The following GOLGB1 variants were observed in gnomAD, a reference collection of about 807,000 sequenced individuals.
GOLGB1 encodes the protein golgin B1, also known as golgin subfamily B member 1.
Under a neutral mutation model 336.9 loss-of-function variants are expected in GOLGB1, and 174 were observed. The ratio of observed to expected loss-of-function variants is 0.52; its 90% CI spans 0.46 to 0.59. The LOEUF (loss-of-function observed/expected upper bound fraction) is 0.59. Ranked by LOEUF, GOLGB1 falls within the 20% of genes least tolerant of loss-of-function variation. The probability of loss-of-function intolerance (pLI) is 0.00; values close to 1 mark genes in which losing one functional copy is unlikely to be tolerated. For missense variants in GOLGB1, 3,331 were observed against 3,645.3 expected, an observed-to-expected ratio of 0.91 and a Z score of 2.22; for synonymous variants, 1,208 against 1,289.2, an observed-to-expected ratio of 0.94 and a Z score of 1.35.
rs529043980 is a variant in GOLGB1 at position 121,690,782 on chromosome 3, C to G, written c.8582G>C (p.Arg2861Pro). 10 of 1,596,634 alleles carry G rather than the reference C, an allele frequency of 6.3e-6. No homozygotes were observed. Among genetic ancestry groups the G allele is most frequent in the East Asian group, 2.2e-5 (1 of 44,836 alleles). Residue 2861 changes from arginine (R) to proline (P), a missense_variant, in exon 14 of 22, where the codon CGA (arginine) becomes CCA (proline). Arg to Pro is a moderately radical substitution (Grantham distance 103). Coordinates refer to ENST00000614479, the MANE Select transcript of GOLGB1 (RefSeq NM_001366282.2). Reference protein sequence around the residue: ...DHLWNELEKFRKSEEGKQRSA... With the variant: ...DHLWNELEKFPKSEEGKQRSA... ...CCTCTGCTTCCCTTCCTCTGACTTT[C>G]GAAATTTCTCCAGCTCATTCCACAG...
rs541195471 is a variant in GOLGB1 at position 121,736,468 on chromosome 3, G to A, written c.-2-5495C>T. Among the ~76,000 whole-genome samples, 9 of 152,286 alleles carry A rather than the reference G, an allele frequency of 5.9e-5. No individual in the cohort carries two copies. In the South Asian group the frequency reaches 1.9e-3, roughly 32 times the overall value. The stretch of plus-strand genomic sequence containing the variant: ...AAACCCGTAAGCCCAGTCTAATCAT[G>A]AGAAAACACTGGGAAAACCTAGATT... On this transcript the variant is annotated intron_variant, in intron 1 of 21. Coordinates refer to ENST00000614479, the MANE Select transcript of GOLGB1 (RefSeq NM_001366282.2).
At chr3:121,713,616 G>A (rs1233145876) in intron 10 of GOLGB1, among the ~76,000 whole-genome samples, 3 of 152,150 alleles carry the variant, frequency 2.0e-5, no homozygotes, top group Non-Finnish European at 4.4e-5. Flanking sequence ...TGGAGGGGAA[G>A]GGTGAGGATG....
chr3:121,705,956 C>T (rs1943781506), intron 10 of GOLGB1, among the ~76,000 whole-genome samples: 1 of 152,058 alleles, frequency 6.6e-6, no homozygotes, highest in South Asian at 2.1e-4. Context: ...GCAGCAGGAT[C>T]TGAAAGGACC....
chr3:121,686,429 C>T (rs959738857), intron 14 of GOLGB1, among the ~76,000 whole-genome samples: 1 of 152,148 alleles, frequency 6.6e-6, no homozygotes, highest in African/African-American at 2.4e-5. Flanking sequence ...CTCTTTTTCT[C>T]CTCCTTCTCA....
At chr3:121,726,788 A>C (rs1945649330) in intron 5 of GOLGB1, 125 bp downstream of exon 5, 14 of 550,006 alleles carry the variant, frequency 2.5e-5, no homozygotes, top group Non-Finnish European at 4.2e-5. Context: ...GAAGAAAAGA[A>C]GGAGACTGAT....
chr3:121,727,291 C>CATATATATATAT (rs1560307098), intron 4 of GOLGB1, among the ~76,000 whole-genome samples: 63 of 51,078 alleles, frequency 1.2e-3, no homozygotes, highest in South Asian at 2.3e-3. Context: ...TACACACACA[C>CATATATATATAT]ACATATATAT....
At chr3:121,731,096 A>G (rs1946081445) in intron 1 of GOLGB1, 123 bp from the exon 2 acceptor site, 3 of 927,030 alleles carry the variant, frequency 3.2e-6, no homozygotes, top group Admixed American at 5.7e-5. Flanking sequence ...TTTGTATTAG[A>G]CACAGTCTGC....
At chr3:121,707,028 C>T (rs560481975) in intron 10 of GOLGB1, among the ~76,000 whole-genome samples, 7 of 150,764 alleles carry the variant, frequency 4.6e-5, no homozygotes, top group Admixed American at 2.0e-4. Context: ...CTGGCCAACA[C>T]GGTGAAACCC....
intron 17 of GOLGB1, among the ~76,000 whole-genome samples, chr3:121,674,682 T>C (rs1027120201): frequency 3.3e-5 from 5 of 152,180 alleles, no homozygotes; most frequent in African/African-American, 4.8e-5. Flanking sequence ...AATTCTCCTA[T>C]TTAGCTGGGA....
intron 1 of GOLGB1, among the ~76,000 whole-genome samples, chr3:121,735,102 C>T (rs1213979525): frequency 1.3e-5 from 2 of 152,136 alleles, no homozygotes; most frequent in African/African-American, 4.8e-5. Context: ...AATTAACCCA[C>T]ACAAATATAG....
At chr3:121,746,455 T>C (rs1227215669) in intron 1 of GOLGB1, among the ~76,000 whole-genome samples, 1 of 43,450 alleles carries the variant, frequency 2.3e-5, no homozygotes, top group Non-Finnish European at 6.4e-5. Context: ...TTAACTCACT[T>C]TATTTATTTA....
At chr3:121,743,858 T>C (rs1947053814) in intron 1 of GOLGB1, among the ~76,000 whole-genome samples, 1 of 152,058 alleles carries the variant, frequency 6.6e-6, no homozygotes, top group African/African-American at 2.4e-5. Flanking sequence ...TGAATACTGA[T>C]GACAACATTC....
rs144067683 is a variant in GOLGB1 at position 121,695,958 on chromosome 3, G to A, written c.4565C>T (p.Thr1522Ile). The A allele has an allele frequency of 1.8e-5, 29 of 1,613,862 alleles. No homozygotes were observed. The highest frequency in any genetic ancestry group is 2.1e-5 in the Non-Finnish European group (25 of 1,179,930). ...SLARGTIERL[T>I]KSLADVESQV... ...GCTTTCCACATCTGCCAGAGACTTG[G>A]TGAGACGTTCAATGGTACCTCTGGC... Residue 1522 changes from threonine (T) to isoleucine (I), a missense_variant, in exon 13 of 22, where the codon ACC becomes ATC. Thr to Ile is a moderately conservative substitution (Grantham distance 89, BLOSUM62 -1). Coordinates refer to ENST00000614479, the MANE Select transcript of GOLGB1 (RefSeq NM_001366282.2).
rs994470020 is a variant in GOLGB1, at chr3:121,706,571, C to T, written c.1405-3976G>A. ...CCAACATGGCAAAACCCCATCTCTA[C>T]TAAAAATATAAAATTAGCCAGGCGT... is the stretch of plus-strand genomic sequence containing the variant. On this transcript the variant is annotated intron_variant, in intron 10 of 21. Transcript: ENST00000614479. 6.6e-5 allele frequency among the ~76,000 whole-genome samples: 10 copies of T among 151,600 alleles called. No homozygotes were observed. In the Middle Eastern group the frequency reaches 0.01, roughly 155 times the overall value.
intron 17 of GOLGB1, among the ~76,000 whole-genome samples, chr3:121,669,693 G>C (rs1034716539): frequency 1.3e-4 from 20 of 152,274 alleles, no homozygotes; most frequent in Middle Eastern, 3.4e-3. Context: ...GGAGAAGGCA[G>C]TACCTCAGGG....
intron 1 of GOLGB1, among the ~76,000 whole-genome samples, chr3:121,741,889 T>A (rs979852312): frequency 6.6e-6 from 1 of 152,206 alleles, no homozygotes; most frequent in Non-Finnish European, 1.5e-5. Context: ...GAGAAATGGC[T>A]AATTCCATTT....
At chr3:121,734,403 A>C (rs1211221823) in intron 1 of GOLGB1, among the ~76,000 whole-genome samples, 1 of 151,720 alleles carries the variant, frequency 6.6e-6, no homozygotes, top group Admixed American at 6.6e-5. Flanking sequence ...AAAAAAAAAA[A>C]AAAAAAAACA....
chr3:121,745,607 CAT>C (rs139839384), intron 1 of GOLGB1, among the ~76,000 whole-genome samples: 351 of 151,910 alleles, frequency 2.3e-3, no homozygotes, highest in African/African-American at 7.9e-3. Context: ...GGGGAATAGT[CAT>C]ATTCATAGTC....
chr3:121,688,554 C>T (rs371286646), intron 14 of GOLGB1, among the ~76,000 whole-genome samples: 2 of 152,348 alleles, frequency 1.3e-5, no homozygotes, highest in South Asian at 4.1e-4. Context: ...ACCTCCCAGC[C>T]GCCTGCCTTG....
Sources: gnomAD v4.1 joint callset for allele counts (sites outside exome capture counted in the v4.1 genomes callset) on GRCh38, gnomAD v4.1.1 for gene constraint, MANE v1.5 for transcripts, NCBI Gene and HGNC (gene_info 2026-07-23, HGNC 2026-07-21) for gene names.